CERS3: variants seen among roughly 807,000 people sequenced by gnomAD.
CERS3 encodes ceramide synthase 3.
In CERS3, 33 loss-of-function variants were observed where a neutral mutation model predicts 50.3. The ratio of observed to expected loss-of-function variants is 0.66; its 90% CI spans 0.50 to 0.88. The LOEUF is 0.88. Ranked by LOEUF, CERS3 falls within the 40% of genes least tolerant of loss-of-function variation. The pLI is 0.00. For missense variants in CERS3, 470 were observed against 460.3 expected (o/e 1.02, Z -0.19); for synonymous variants, 176 against 155.2 (o/e 1.13, Z -0.99).
intron 5 of CERS3, among the ~76,000 whole-genome samples, chr15:100,482,844 C>A (rs1225350820): frequency 6.6e-6 from 1 of 152,148 alleles, no homozygotes; most frequent in Non-Finnish European, 1.5e-5. Context: ...GTAACTCATG[C>A]TGTGATTTCT....
intron 11 of CERS3, among the ~76,000 whole-genome samples, chr15:100,424,528 G>A (rs1261442997): frequency 6.6e-6 from 1 of 152,150 alleles, no homozygotes; most frequent in Non-Finnish European, 1.5e-5. Flanking sequence ...TCTGGGAACT[G>A]GAGTAAAGGT....
intron 11 of CERS3, among the ~76,000 whole-genome samples, chr15:100,440,533 G>A (rs927499739): frequency 1.3e-5 from 2 of 152,166 alleles, no homozygotes; most frequent in African/African-American, 4.8e-5. Context: ...CAGCCTGCCT[G>A]CACCCAGGTG....
chr15:100,431,219 A>G (rs1318692428), intron 11 of CERS3, among the ~76,000 whole-genome samples: 1 of 152,244 alleles, frequency 6.6e-6, no homozygotes, highest in Non-Finnish European at 1.5e-5. Context: ...ATGCTTTCAA[A>G]TAACTTTGAC....
intron 11 of CERS3, among the ~76,000 whole-genome samples, chr15:100,429,443 C>T (rs2032999818): frequency 6.6e-6 from 1 of 152,150 alleles, no homozygotes; most frequent in Admixed American, 6.6e-5. Flanking sequence ...AATCCAGTTT[C>T]TATTTGATGG....
chr15:100,517,007 C>T (rs564607903), intron 2 of CERS3, among the ~76,000 whole-genome samples: 8 of 152,326 alleles, frequency 5.3e-5, no homozygotes, highest in Admixed American at 1.3e-4. Flanking sequence ...AACTACATGG[C>T]TTAGGGTAAG....
chr15:100,481,763 G>A (rs117591326), intron 5 of CERS3, among the ~76,000 whole-genome samples: 3,165 of 152,310 alleles, frequency 0.021, 63 homozygotes, highest in Non-Finnish European at 0.032. Flanking sequence ...TCAGATCCAA[G>A]AGTACAGCCA....
chr15:100,465,198 C>G (rs1028506954), intron 10 of CERS3, among the ~76,000 whole-genome samples: 19 of 152,024 alleles, frequency 1.2e-4, no homozygotes, highest in African/African-American at 4.6e-4. Context: ...AACTGCCGCC[C>G]ACAGTGCCTC....
intron 11 of CERS3, among the ~76,000 whole-genome samples, chr15:100,428,639 C>G (rs746709354): frequency 5.9e-5 from 9 of 152,212 alleles, no homozygotes; most frequent in Non-Finnish European, 8.8e-5. Flanking sequence ...CAGTTGAGAA[C>G]CACCAGTTCA....
intron 11 of CERS3, among the ~76,000 whole-genome samples, chr15:100,426,550 T>C (rs1226164139): frequency 2.0e-5 from 3 of 152,192 alleles, no homozygotes; most frequent in Admixed American, 6.5e-5. Flanking sequence ...TACTGGAATA[T>C]ACCATCTGTC....
At position 100,402,778 on chromosome 15, in the gene CERS3, C is replaced by G; in HGVS notation, c.1087G>C (p.Asp363His). The G allele has an allele frequency of 6.2e-7, 1 of 1,614,204 alleles. No homozygotes were observed. Among genetic ancestry groups the G allele is most frequent in the Non-Finnish European group, 8.5e-7 (1 of 1,180,028 alleles). Residue 363 changes from aspartate to histidine, a missense_variant, in exon 12 of 12, where the codon GAT (aspartate) becomes CAT (histidine). Transcript: ENST00000679737. Reference sequence around the variant, plus strand: ...GCCCTGAGGCCGTTCTTTAAACAATCCATCTCTTTGCCTTTGGTAGCCTCT... The same window carrying G: ...GCCCTGAGGCCGTTCTTTAAACAATGCATCTCTTTGCCTTTGGTAGCCTCT... ...EEEATKGKEM[D>H]CLKNGLRAER...
intron 1 of CERS3, among the ~76,000 whole-genome samples, chr15:100,525,463 CCTT>C (rs1308043533): frequency 9.9e-5 from 15 of 152,204 alleles, no homozygotes; most frequent in African/African-American, 3.6e-4. Flanking sequence ...AGCCAAATCT[CCTT>C]CTTATCAGAG....
chr15:100,402,920 G>A (rs999477541), intron 11 of CERS3, 55 bp from the exon 12 acceptor site: 4 of 1,527,204 alleles, frequency 2.6e-6, no homozygotes, highest in Admixed American at 2.1e-5. Flanking sequence ...AGAGTCTTGA[G>A]TAAATCTGCC....
chr15:100,501,526 AT>A (rs2142328924), intron 3 of CERS3, 150 bp downstream of exon 3: 1 of 627,406 alleles, frequency 1.6e-6, no homozygotes, highest in Non-Finnish European at 2.8e-6. Context: ...AGCGCATCTG[AT>A]TACATTAACT....
At chr15:100,440,491 CT>C (rs1348250243) in intron 11 of CERS3, among the ~76,000 whole-genome samples, 2 of 152,234 alleles carry the variant, frequency 1.3e-5, no homozygotes, top group African/African-American at 2.4e-5. Context: ...GGCCCCACCC[CT>C]ATCTCCCTTC....
chr15:100,425,479 A>ACC lies in CERS3; in HGVS notation c.1000-22616_1000-22615dup, dbSNP rs77248578. ...TATTTTGTAGCTATAAGATTTAATG[A>ACC]CCCCCTGCTGGGCTTCAGACTTCCA... On this transcript the variant is annotated intron_variant, in intron 11 of 11. Coordinates refer to ENST00000679737, the MANE Select transcript of CERS3 (RefSeq NM_001378789.1). Among the ~76,000 whole-genome samples, 6 of 151,370 alleles carry ACC rather than the reference A, an allele frequency of 4.0e-5. No homozygotes were observed. In the South Asian group the frequency reaches 6.3e-4, roughly 16 times the overall value.
intron 11 of CERS3, among the ~76,000 whole-genome samples, chr15:100,443,292 A>T (rs1421203299): frequency 6.6e-6 from 1 of 151,478 alleles, no homozygotes; most frequent in African/African-American, 2.4e-5. Flanking sequence ...CCCATCCCAC[A>T]GCATGCTTTG....
chr15:100,472,362 G>A (rs1370722129), intron 9 of CERS3, among the ~76,000 whole-genome samples: 1 of 152,144 alleles, frequency 6.6e-6, no homozygotes, highest in African/African-American at 2.4e-5. Flanking sequence ...TCTATTTTGT[G>A]TGGGGTGAGA....
At chr15:100,508,100 C>A (rs1015356390) in intron 2 of CERS3, among the ~76,000 whole-genome samples, 3 of 152,152 alleles carry the variant, frequency 2.0e-5, no homozygotes, top group African/African-American at 7.2e-5. Context: ...GTTGTCTGAA[C>A]CGTAAGTGTA....
chr15:100,513,973 C>A (rs1278930417), intron 2 of CERS3, among the ~76,000 whole-genome samples: 1 of 152,182 alleles, frequency 6.6e-6, no homozygotes, highest in Non-Finnish European at 1.5e-5. Context: ...CATAACCTGG[C>A]ATACAGTAAG....
Sources: gnomAD v4.1 joint callset for allele counts (sites outside exome capture counted in the v4.1 genomes callset) on GRCh38, gnomAD v4.1.1 for gene constraint, MANE v1.5 for transcripts, NCBI Gene and HGNC (gene_info 2026-07-23, HGNC 2026-07-21) for gene names.